Variants in RPGRIP1L observed in about 807,000 individuals in gnomAD.
RPGRIP1L encodes the protein protein fantom.
Under a neutral mutation model 160.4 loss-of-function variants are expected in RPGRIP1L, and 131 were observed. That is an observed-to-expected ratio of 0.82 (90% CI 0.71 to 0.94). RPGRIP1L has a LOEUF of 0.94. Ranked by LOEUF, RPGRIP1L falls within the 40% of genes least tolerant of loss-of-function variation. The pLI is 0.00. For missense variants in RPGRIP1L, 1,522 were observed against 1,535.8 expected, an observed-to-expected ratio of 0.99 and a Z score of 0.15; for synonymous variants, 510 against 515.8, an observed-to-expected ratio of 0.99 and a Z score of 0.15.
intron 10 of RPGRIP1L, among the ~76,000 whole-genome samples, chr16:53,664,384 G>T (rs1252421017): frequency 6.6e-6 from 1 of 152,068 alleles, no homozygotes; most frequent in African/African-American, 2.4e-5. Context: ...TACTATTTCT[G>T]CCACTCTCTG....
Position 53,634,980 on chromosome 16 carries a change from T to C in RPGRIP1L, c.3294+1459A>G, listed in dbSNP as rs548857159. On this transcript the variant is annotated intron_variant, in intron 22 of 26. Coordinates refer to ENST00000647211, the MANE Select transcript of RPGRIP1L (RefSeq NM_015272.5). ...CTTTAAATGATGTTCACATTTGAGA[T>C]AGCATCTGAAACCATTATAGGAAAT... Among the ~76,000 whole-genome samples, 78 of 152,288 alleles carry C rather than the reference T, an allele frequency of 5.1e-4. 2 individuals are homozygous for C. The South Asian group carries it at 0.016, about 31-fold the overall frequency.
chr16:53,605,538 C>T lies in RPGRIP1L; in HGVS notation c.3778G>A (p.Val1260Ile), dbSNP rs781401167. ...LECEDIGVAH[V>I]DLADMFQEGR... ...TCCTGAAACATGTCGGCAAGGTCGA[C>T]GTGAGCCACGCCAATGTCCTCACAC... Residue 1260 changes from valine to isoleucine, a missense_variant, in exon 26 of 27, where the codon GTC becomes ATC. Transcript: ENST00000647211. The T allele has an allele frequency of 2.4e-5, 38 of 1,613,982 alleles. No homozygotes were observed. Among genetic ancestry groups the T allele is most frequent in the Non-Finnish European group, 2.7e-5 (32 of 1,179,996 alleles).
chr16:53,652,473 C>A, intron 15 of RPGRIP1L, 62 bp downstream of exon 15: 1 of 1,265,870 alleles, frequency 7.9e-7, no homozygotes, highest in South Asian at 1.2e-5. Flanking sequence ...ATGTAGAGTA[C>A]CATAACGATA....
At chr16:53,668,115 T>G (rs1968428173) in intron 9 of RPGRIP1L, among the ~76,000 whole-genome samples, 1 of 151,964 alleles carries the variant, frequency 6.6e-6, no homozygotes, top group South Asian at 2.1e-4. Context: ...TAATGAAAAT[T>G]AAATTCATAT....
chr16:53,599,545 A>G lies in RPGRIP1L; in HGVS notation c.*2531T>C, dbSNP rs1963293726. The G allele has an allele frequency of 6.6e-6, 1 of 152,206 alleles. No homozygotes were observed. The highest frequency in any genetic ancestry group is 6.5e-5 in the Admixed American group (1 of 15,280). The allele number at this position is 152,206 out of a possible 1,614,324, so 9.4% of individuals were successfully genotyped here. Reference sequence around the variant, plus strand: ...CAAACTAAAAGCATTACAGCCCAAAAAAGTGCTGCGTGCACTGGTCTAGTT... The same window carrying G: ...CAAACTAAAAGCATTACAGCCCAAAGAAGTGCTGCGTGCACTGGTCTAGTT... On this transcript the variant is annotated 3_prime_UTR_variant, in exon 27 of 27. Coordinates refer to ENST00000647211, the MANE Select transcript of RPGRIP1L (RefSeq NM_015272.5).
At chr16:53,638,537 A>G (rs1965989891) in intron 19 of RPGRIP1L, 126 bp from the exon 20 acceptor site, 1 of 552,234 alleles carries the variant, frequency 1.8e-6, no homozygotes, top group Non-Finnish European at 3.2e-6. Context: ...CTCATATGAC[A>G]CTGAATTTAC....
At chr16:53,614,043 G>A (rs1473359748) in intron 24 of RPGRIP1L, among the ~76,000 whole-genome samples, 1 of 152,130 alleles carries the variant, frequency 6.6e-6, no homozygotes, top group Non-Finnish European at 1.5e-5. Flanking sequence ...TAGTTATTTT[G>A]TTAACACAAG....
In RPGRIP1L at chr16:53,601,957, G is replaced by A. The variant is rs886052091; in HGVS notation, c.*119C>T. On this transcript the variant is annotated 3_prime_UTR_variant, in exon 27 of 27. Coordinates refer to ENST00000647211, the MANE Select transcript of RPGRIP1L (RefSeq NM_015272.5). ...CAACACTTCAAACCCAGGTCTCCCC[G>A]CTCCCAGCTTCCCATGAATTATAGA... is the stretch of plus-strand genomic sequence containing the variant. 141 of 710,148 alleles carry A rather than the reference G, an allele frequency of 2.0e-4. No individual in the cohort carries two copies. Among genetic ancestry groups the A allele is most frequent in the Middle Eastern group, 3.2e-4 (1 of 3,092 alleles). 44.0% of individuals were successfully genotyped at this position (710,148 alleles called of 1,614,324 possible).
chr16:53,625,421 T>C (rs2099554988), intron 22 of RPGRIP1L, among the ~76,000 whole-genome samples: 1 of 139,664 alleles, frequency 7.2e-6, no homozygotes, highest in South Asian at 2.5e-4. Context: ...GGCCGCCCCG[T>C]CTGGGGGGTG....
At chr16:53,645,321 A>T (rs1445462449) in intron 17 of RPGRIP1L, among the ~76,000 whole-genome samples, 2 of 152,032 alleles carry the variant, frequency 1.3e-5, no homozygotes, top group Non-Finnish European at 2.9e-5. Flanking sequence ...TAATAATTGC[A>T]AAAAGGAGAT....
chr16:53,687,601 T>C (rs1352512249), intron 5 of RPGRIP1L, among the ~76,000 whole-genome samples: 4 of 152,144 alleles, frequency 2.6e-5, no homozygotes, highest in Non-Finnish European at 5.9e-5. Flanking sequence ...TCTAACTGAC[T>C]GGACTTTATG....
At chr16:53,637,884 T>C in intron 20 of RPGRIP1L, 30 bp from the exon 21 acceptor site, 1 of 1,600,310 alleles carries the variant, frequency 6.2e-7, no homozygotes, top group Middle Eastern at 1.7e-4. Flanking sequence ...CTGGTATATT[T>C]ATAATTGCTT....
At chr16:53,632,776 T>C (rs1264492152) in intron 22 of RPGRIP1L, among the ~76,000 whole-genome samples, 2 of 152,070 alleles carry the variant, frequency 1.3e-5, no homozygotes, top group African/African-American at 4.8e-5. Flanking sequence ...TGGCCTATGA[T>C]TTTCTCACCC....
intron 7 of RPGRIP1L, 71 bp downstream of exon 7, chr16:53,674,946 A>C: frequency 9.6e-7 from 1 of 1,042,496 alleles, no homozygotes; most frequent in South Asian, 1.3e-5. Flanking sequence ...ATGTTAAAAA[A>C]ACAACTTGAA....
intron 25 of RPGRIP1L, among the ~76,000 whole-genome samples, chr16:53,606,030 C>T (rs1246835853): frequency 1.3e-5 from 2 of 152,172 alleles, no homozygotes; most frequent in African/African-American, 4.8e-5. Context: ...TATAGAAACA[C>T]ACAACTCTGG....
intron 2 of RPGRIP1L, 30 bp downstream of exon 2, chr16:53,700,609 A>C (rs1308014107): frequency 6.5e-7 from 1 of 1,538,414 alleles, no homozygotes; most frequent in Non-Finnish European, 9.0e-7. Context: ...ATCAAAGTTC[A>C]TAACTGTAAT....
chr16:53,645,297 A>G (rs1383843876), intron 17 of RPGRIP1L, among the ~76,000 whole-genome samples: 1 of 152,066 alleles, frequency 6.6e-6, no homozygotes, highest in African/African-American at 2.4e-5. Context: ...TGCATACTAT[A>G]TACATATATA....
At chr16:53,622,156 A>C in intron 23 of RPGRIP1L, 63 bp downstream of exon 23, 1 of 507,348 alleles carries the variant, frequency 2.0e-6, no homozygotes, top group Non-Finnish European at 3.5e-6. Context: ...TGAGGTCGGG[A>C]GTTTGAGACC....
At chr16:53,639,552 A>T (rs1966070923) in intron 19 of RPGRIP1L, among the ~76,000 whole-genome samples, 1 of 152,124 alleles carries the variant, frequency 6.6e-6, no homozygotes, top group Non-Finnish European at 1.5e-5. Flanking sequence ...AGGTATCATG[A>T]CTAACATTGC....
Sources: allele counts gnomAD v4.1 joint callset (sites outside exome capture counted in the v4.1 genomes callset), GRCh38; gene constraint gnomAD v4.1.1; transcripts MANE v1.5; gene names NCBI Gene and HGNC (gene_info 2026-07-23, HGNC 2026-07-21).